The following CLASP1 variants were observed in gnomAD, a reference collection of about 807,000 sequenced individuals.
CLASP1 encodes the protein CLIP-associating protein 1.
A neutral mutation model predicts 192.3 loss-of-function variants in CLASP1; 38 were observed. The ratio of observed to expected loss-of-function variants is 0.20; its 90% confidence interval spans 0.15 to 0.26. The LOEUF (loss-of-function observed/expected upper bound fraction) is 0.26, where lower values mean the gene tolerates loss of function less well. Among genes scored for constraint, CLASP1 ranks in the 10% least tolerant of loss-of-function variants. The probability of loss-of-function intolerance (pLI) is 1.00; values close to 1 mark genes in which losing one functional copy is unlikely to be tolerated. For synonymous variants in CLASP1, 691 were observed against 712.8 expected (o/e 0.97, Z 0.49); for missense variants, 1,433 against 1,932.5 (o/e 0.74, Z 4.85).
chr2:121,639,052 G>A (rs1340709715), intron 1 of CLASP1, among the ~76,000 whole-genome samples: 1 of 152,110 alleles, frequency 6.6e-6, no homozygotes, highest in Non-Finnish European at 1.5e-5. Flanking sequence ...TGAGGTAGGC[G>A]GATCACAAGG....
chr2:121,597,691 T>G (rs926848787), intron 2 of CLASP1, among the ~76,000 whole-genome samples: 4 of 152,230 alleles, frequency 2.6e-5, no homozygotes, highest in African/African-American at 4.8e-5. Context: ...GAGAAAGGCC[T>G]GTGGGACTGT....
chr2:121,354,938 T>C (rs1162250613), intron 37 of CLASP1, among the ~76,000 whole-genome samples: 1 of 152,122 alleles, frequency 6.6e-6, no homozygotes, highest in Admixed American at 6.6e-5. Context: ...GCCGGGTTCG[T>C]GGTGAGAACT....
At chr2:121,635,223 A>T (rs902822812) in intron 1 of CLASP1, among the ~76,000 whole-genome samples, 1 of 104,670 alleles carries the variant, frequency 9.6e-6, no homozygotes, top group Non-Finnish European at 1.7e-5. Context: ...AAAAAAAAAG[A>T]AAAGAAAAGA....
At chr2:121,549,260 G>C (rs1465830944) in intron 2 of CLASP1, among the ~76,000 whole-genome samples, 1 of 152,008 alleles carries the variant, frequency 6.6e-6, no homozygotes, top group Admixed American at 6.6e-5. Context: ...TAAGCAAATG[G>C]AAAACAGAAA....
intron 1 of CLASP1, among the ~76,000 whole-genome samples, chr2:121,632,245 C>A: frequency 6.6e-6 from 1 of 151,838 alleles, no homozygotes; most frequent in Non-Finnish European, 1.5e-5. Context: ...TCTCAAAAAA[C>A]AAACAAAAAT....
chr2:121,404,290 C>G lies in CLASP1; in HGVS notation c.2733+81G>C. On this transcript the variant is annotated intron_variant, in intron 26 of 39. Transcript: ENST00000263710. ...TCGGAACTGCACTATCGGGAATTCTCTCTCATTCTTGGGTAGTATATCACA... is the reference window on the plus strand; with the variant it reads ...TCGGAACTGCACTATCGGGAATTCTGTCTCATTCTTGGGTAGTATATCACA... 4 of 1,559,400 alleles carry G rather than the reference C, an allele frequency of 2.6e-6. No homozygotes were observed. In the South Asian group the frequency reaches 4.8e-5, roughly 19 times the overall value.
Position 121,530,961 on chromosome 2 carries a change from C to A in CLASP1, c.196-636G>T, listed in dbSNP as rs757387857. ...ACTGCTAACGCCTGAACAACACACC[C>A]GCATCAACTAGAGCTTTTGCTTTAT... On this transcript the variant is annotated intron_variant, in intron 2 of 39. Coordinates refer to ENST00000263710, the Ensembl canonical transcript of CLASP1. 3 of 700,390 alleles carry A rather than the reference C, an allele frequency of 4.3e-6. No individual in the cohort carries two copies. The highest frequency in any genetic ancestry group is 3.7e-4 in the Middle Eastern group (1 of 2,736). 43.4% of individuals were successfully genotyped at this position (700,390 alleles called of 1,614,324 possible). A position where few individuals can be genotyped will look rare whatever the true frequency, so the allele number is the denominator to read the frequency against.
chr2:121,461,244 G>C, intron 10 of CLASP1, 51 bp from the exon 11 acceptor site: 1 of 990,826 alleles, frequency 1.0e-6, no homozygotes, highest in Non-Finnish European at 1.5e-6. Context: ...AGAATAAACA[G>C]ATTATTTCTT....
intron 32 of CLASP1, among the ~76,000 whole-genome samples, chr2:121,384,095 CACACATATATATGTATATATATAT>C (rs2072556503): frequency 1.5e-5 from 2 of 132,092 alleles, no homozygotes; most frequent in African/African-American, 5.6e-5. Flanking sequence ...TGTATATATA[CACACATATATATGTATATATATAT>C]ACACACATAT....
chr2:121,365,243 C>G (rs2067157452), exon 36 of CLASP1: 1 of 1,613,674 alleles, frequency 6.2e-7, no homozygotes, highest in African/African-American at 1.3e-5. Flanking sequence ...TTGGACAGCT[C>G]TTTCAGAAGG....
intron 2 of CLASP1, among the ~76,000 whole-genome samples, chr2:121,556,433 C>T (rs2058577308): frequency 6.6e-6 from 1 of 152,120 alleles, no homozygotes; most frequent in South Asian, 2.1e-4. Context: ...CTGAGCTTAT[C>T]TAGTGGTCCT....
intron 25 of CLASP1, among the ~76,000 whole-genome samples, chr2:121,407,131 G>A (rs1444364089): frequency 7.3e-5 from 11 of 151,514 alleles, no homozygotes; most frequent in African/African-American, 2.4e-4. Flanking sequence ...GAGAAGAATC[G>A]CTTGAACCCA....
chr2:121,471,769 T>C (rs150707934), intron 8 of CLASP1, among the ~76,000 whole-genome samples: 2 of 152,330 alleles, frequency 1.3e-5, no homozygotes, highest in African/African-American at 2.4e-5. Context: ...TGTCTTGTTA[T>C]GCCATTCTGT....
intron 7 of CLASP1, among the ~76,000 whole-genome samples, chr2:121,509,029 A>G (rs189918795): frequency 1.2e-3 from 182 of 152,340 alleles, no homozygotes; most frequent in African/African-American, 4.2e-3. Context: ...AGATAATTCA[A>G]CAGTATTAAC....
chr2:121,388,895 C>T (rs1333265798), intron 30 of CLASP1, among the ~76,000 whole-genome samples: 1 of 152,078 alleles, frequency 6.6e-6, no homozygotes, highest in African/African-American at 2.4e-5. Flanking sequence ...TTTAAGATTG[C>T]AGTAATTATT....
At chr2:121,515,187 G>T (rs1474016915) in intron 7 of CLASP1, among the ~76,000 whole-genome samples, 2 of 152,136 alleles carry the variant, frequency 1.3e-5, no homozygotes, top group Non-Finnish European at 2.9e-5. Context: ...CCTTGCATGG[G>T]CTTATACACA....
At chr2:121,478,909 A>T (rs2092245920) in intron 8 of CLASP1, among the ~76,000 whole-genome samples, 1 of 16,252 alleles carries the variant, frequency 6.2e-5, no homozygotes, top group Non-Finnish European at 1.1e-4. Context: ...ACCACACCAC[A>T]CACACCACAC....
At chr2:121,472,336 G>C (rs544885258) in intron 8 of CLASP1, among the ~76,000 whole-genome samples, 1 of 152,262 alleles carries the variant, frequency 6.6e-6, no homozygotes, top group South Asian at 2.1e-4. Flanking sequence ...TAAATAGCTA[G>C]AAAACCTGAC....
At chr2:121,414,947 GC>G (rs1190998243) in intron 23 of CLASP1, among the ~76,000 whole-genome samples, 1 of 151,602 alleles carries the variant, frequency 6.6e-6, no homozygotes, top group Non-Finnish European at 1.5e-5. Context: ...ACCACATTCG[GC>G]TTTGTTTTTT....
Sources: allele counts gnomAD v4.1 joint callset (sites outside exome capture counted in the v4.1 genomes callset), GRCh38; gene constraint gnomAD v4.1.1; transcripts MANE v1.5; gene names NCBI Gene and HGNC (gene_info 2026-07-23, HGNC 2026-07-21).